Variants in ITPR1 observed in about 807,000 individuals in gnomAD.
ITPR1 encodes inositol 1,4,5-trisphosphate receptor type 1.
ITPR1 carries 96 observed loss-of-function variants against 318.4 expected under a neutral mutation model. The ratio of observed to expected loss-of-function variants is 0.30; its 90% CI spans 0.26 to 0.36. The LOEUF (loss-of-function observed/expected upper bound fraction) is 0.36, where lower values mean the gene tolerates loss of function less well. ITPR1 is among the 10% of genes least tolerant of loss of function. The pLI, the probability that ITPR1 is intolerant of heterozygous loss-of-function variation, is 1.00. For synonymous variants in ITPR1, 1,312 were observed against 1,289.9 expected (o/e 1.02, Z -0.37); for missense variants, 2,440 against 3,460.2 (o/e 0.71, Z 7.40).
intron 52 of ITPR1, among the ~76,000 whole-genome samples, chr3:4,792,583 G>A (rs775641487): frequency 3.3e-5 from 5 of 152,228 alleles, no homozygotes; most frequent in African/African-American, 4.8e-5. Flanking sequence ...GTGCTCTTAC[G>A]TGGCTGTCGG....
intron 61 of ITPR1, among the ~76,000 whole-genome samples, chr3:4,842,244 T>A (rs1264120508): frequency 6.6e-6 from 1 of 152,272 alleles, no homozygotes; most frequent in Admixed American, 6.5e-5. Flanking sequence ...CTTGTTTAGA[T>A]GAGTCAAAAG....
Position 4,846,137 on chromosome 3 carries a change from A to C in ITPR1, c.8191-2A>C. The C allele has an allele frequency of 6.5e-7, 1 of 1,549,204 alleles. No homozygotes were observed. The highest frequency in any genetic ancestry group is 1.2e-5 in the South Asian group (1 of 83,024). ...TAATGATGAAACTTTTTAACTTTCC[A>C]GATGACAGAACAAAGGAAGCAGAAA... On this transcript the variant is annotated splice_acceptor_variant, in intron 61 of 61. Transcript: ENST00000649015. LOFTEE classifies it high-confidence loss of function.
rs267599850 is a variant in ITPR1, at chr3:4,693,615, C to T, written c.4155C>T (p.Ile1385=). ...AGAACAGCCCTCTCATGTACCACAT[C>T]CACTTGGTCGAGCTCCTGGCTGTGT... ...MDENSPLMYH[I]HLVELLAVCT... Residue 1385 remains isoleucine, a synonymous_variant, in exon 33 of 62, where the codon ATC becomes ATT. Transcript: ENST00000649015. The T allele has an allele frequency of 1.2e-6, 2 of 1,613,934 alleles. No homozygotes were observed. Among genetic ancestry groups the T allele is most frequent in the African/African-American group, 2.7e-5 (2 of 74,940 alleles).
At chr3:4,571,299 A>C (rs1384541824) in intron 4 of ITPR1, among the ~76,000 whole-genome samples, 2 of 151,930 alleles carry the variant, frequency 1.3e-5, no homozygotes, top group Admixed American at 1.3e-4. Flanking sequence ...ATAACACGTA[A>C]TTTCACTTCT....
At chr3:4,616,604 G>C (rs35280388) in intron 4 of ITPR1, among the ~76,000 whole-genome samples, 1 of 152,176 alleles carries the variant, frequency 6.6e-6, no homozygotes, top group Non-Finnish European at 1.5e-5. Context: ...GCTGAATGAA[G>C]AATTTTTAAA....
In ITPR1 at chr3:4,676,954, C is replaced by G. The variant is rs115272198; in HGVS notation, c.2967+153C>G. ...CTCCGTGTCATTTATGAGCTGGCTC[C>G]TCTTAATCCCTTTACTGCTTTCTCC... On this transcript the variant is annotated intron_variant, in intron 24 of 61. Transcript: ENST00000649015. Among the ~76,000 whole-genome samples the G allele has an allele frequency of 6.5e-3, 992 of 152,292 alleles. 7 individuals are homozygous for G. Among genetic ancestry groups the G allele is most frequent in the African/African-American group, 0.022 (930 of 41,558 alleles).
At chr3:4,543,898 C>T (rs993474517) in intron 4 of ITPR1, among the ~76,000 whole-genome samples, 3 of 152,176 alleles carry the variant, frequency 2.0e-5, no homozygotes, top group African/African-American at 7.2e-5. Context: ...TCTTTTTGCT[C>T]CACATCCTTA....
chr3:4,538,859 C>T (rs1003839916), intron 4 of ITPR1, among the ~76,000 whole-genome samples: 1 of 152,086 alleles, frequency 6.6e-6, no homozygotes, highest in Admixed American at 6.6e-5. Context: ...GGGAGCAACA[C>T]ACACTGGGGC....
Position 4,753,285 on chromosome 3 carries a change from G to A in ITPR1, c.5545-13245G>A, listed in dbSNP as rs776989129. Reference sequence around the variant, plus strand: ...TGAGGTGATCTCTGTGGTTCCCGCCGATCCCTAGTCGGTGCTTCTAAAGGG... The same window carrying A: ...TGAGGTGATCTCTGTGGTTCCCGCCAATCCCTAGTCGGTGCTTCTAAAGGG... On this transcript the variant is annotated intron_variant, in intron 44 of 61. Transcript: ENST00000649015. 9.2e-5 allele frequency among the ~76,000 whole-genome samples: 14 copies of A among 152,212 alleles called. No homozygotes were observed. In the East Asian group the frequency reaches 9.7e-4, roughly 11 times the overall value.
chr3:4,602,821 A>G (rs765715722), intron 4 of ITPR1, among the ~76,000 whole-genome samples: 5 of 152,132 alleles, frequency 3.3e-5, no homozygotes, highest in Non-Finnish European at 7.3e-5. Flanking sequence ...AGAGACAGAC[A>G]CTAGATAACT....
In ITPR1 at chr3:4,653,848, C is replaced by G; in HGVS notation, c.958C>G (p.Pro320Ala). 1 of 1,609,216 alleles carries G rather than the reference C, an allele frequency of 6.2e-7. No individual in the cohort carries two copies. Among genetic ancestry groups the G allele is most frequent in the Non-Finnish European group, 8.5e-7 (1 of 1,176,824 alleles). ...AATGATTCTTTTTCATCAGGTAGAC[C>G]CTGACTTTGAGGAAGAATGCCTGGA... ...TGHYLAAEVD[P>A]DFEEECLEFQ... Residue 320 changes from proline to alanine, a missense_variant, in exon 12 of 62, where the codon CCT becomes GCT. Transcript: ENST00000649015.
At position 4,775,284 on chromosome 3, in the gene ITPR1, G is replaced by T; in HGVS notation, c.6022G>T (p.Val2008Leu). 6.2e-7 allele frequency: 1 copy of T among 1,614,128 alleles called. No homozygotes were observed. Among genetic ancestry groups the T allele is most frequent in the Non-Finnish European group, 8.5e-7 (1 of 1,179,984 alleles). The change falls in exon 47 of 62, where the codon GTA (valine) becomes TTA (leucine). Residue 2008 changes from valine (V) to leucine (L), a missense_variant. Around this residue, in one of 23 missense-constraint regions of ITPR1, gnomAD observed 76 missense variants for 162.1 expected, o/e 0.47. Coordinates refer to ENST00000649015, the MANE Select transcript of ITPR1 (RefSeq NM_001378452.1). ...CQNNKTNYNLVCETLQFLDCI... is the reference protein window; with the variant it reads ...CQNNKTNYNLLCETLQFLDCI... ...AAATAACAAGACCAACTACAATTTGGTATGTGAGACCCTGCAGTTTCTGGA... is the reference window on the plus strand; with the variant it reads ...AAATAACAAGACCAACTACAATTTGTTATGTGAGACCCTGCAGTTTCTGGA...
In ITPR1 at chr3:4,604,313, G is replaced by A. The variant is rs144266579; in HGVS notation, c.164-23450G>A. 4.0e-3 allele frequency among the ~76,000 whole-genome samples: 602 copies of A among 152,262 alleles called. 8 individuals carry two copies. Among genetic ancestry groups the A allele is most frequent in the African/African-American group, 0.013 (533 of 41,554 alleles). The stretch of plus-strand genomic sequence containing the variant: ...TGTGGGCTTTCGTGGAGTTGTGGAG[G>A]TGGAAGGGAGGTCAGGTAGGCAGGA... On this transcript the variant is annotated intron_variant, in intron 4 of 61. Transcript: ENST00000649015.
intron 53 of ITPR1, among the ~76,000 whole-genome samples, chr3:4,797,137 G>A (rs538470813): frequency 1.3e-5 from 2 of 151,646 alleles, no homozygotes; most frequent in Non-Finnish European, 2.9e-5. Flanking sequence ...AGAGCTCCGA[G>A]GAGATTTGAC....
chr3:4,658,410 CTGA>C, intron 13 of ITPR1, 132 bp downstream of exon 13: 1 of 735,758 alleles, frequency 1.4e-6, no homozygotes, highest in Non-Finnish European at 2.1e-6. Flanking sequence ...AAGGTTTGCA[CTGA>C]CTGCCCGGTA....
chr3:4,567,046 T>C (rs1304942211), intron 4 of ITPR1, among the ~76,000 whole-genome samples: 1 of 152,210 alleles, frequency 6.6e-6, no homozygotes, highest in Non-Finnish European at 1.5e-5. Flanking sequence ...ACATTTAATC[T>C]CTTTACCTCA....
At position 4,702,865 on chromosome 3, in the gene ITPR1, C is replaced by T. The variant is rs200605212; in HGVS notation, c.4572C>T (p.Gly1524=). 4.2e-5 allele frequency: 67 copies of T among 1,613,736 alleles called. No individual in the cohort carries two copies. Among genetic ancestry groups the T allele is most frequent in the Admixed American group, 2.8e-4 (17 of 59,998 alleles). Reference sequence around the variant, plus strand: ...CTGTCTTTGTGCAACTGCTGCAAGGCGTGTTCAGGGTTTACCACTGCAACT... The same window carrying T: ...CTGTCTTTGTGCAACTGCTGCAAGGTGTGTTCAGGGTTTACCACTGCAACT... ...RQPVFVQLLQ[G]VFRVYHCNWL... is the part of the protein sequence containing the mutation. Residue 1524 remains glycine, a synonymous_variant, in exon 36 of 62, where the codon GGC becomes GGT. Transcript: ENST00000649015.
intron 60 of ITPR1, among the ~76,000 whole-genome samples, chr3:4,818,625 A>C (rs771797081): frequency 6.6e-6 from 1 of 152,186 alleles, no homozygotes; most frequent in East Asian, 1.9e-4. Context: ...CCTACTCTCT[A>C]AGAGGTGTCT....
intron 44 of ITPR1, among the ~76,000 whole-genome samples, chr3:4,741,290 G>A (rs2043684601): frequency 6.6e-6 from 1 of 152,164 alleles, no homozygotes; most frequent in Non-Finnish European, 1.5e-5. Flanking sequence ...AGCACATTAT[G>A]GGGATAGATA....
Sources: gnomAD v4.1 joint callset for allele counts (sites outside exome capture counted in the v4.1 genomes callset) on GRCh38, gnomAD v4.1.1 for gene constraint, gnomAD v4.1.1 regional missense constraint, MANE v1.5 for transcripts, NCBI Gene and HGNC (gene_info 2026-07-23, HGNC 2026-07-21) for gene names.